IKZF5: variants seen among roughly 807,000 people sequenced by gnomAD.
IKZF5 encodes the protein zinc finger protein Pegasus.
A neutral mutation model predicts 30.7 loss-of-function variants in IKZF5; 4 were observed. That is an observed-to-expected ratio of 0.13 (90% CI 0.06 to 0.30). The LOEUF (loss-of-function observed/expected upper bound fraction) is 0.30. IKZF5 is among the 10% of genes least tolerant of loss of function. The pLI, the probability that IKZF5 is intolerant of heterozygous loss-of-function variation, is 1.00. For missense variants in IKZF5, 348 were observed against 525.5 expected (o/e 0.66, Z 3.30); for synonymous variants, 148 against 179.6 (o/e 0.82, Z 1.41).
At chr10:123,002,114 T>C (rs1849607566) in intron 2 of IKZF5, among the ~76,000 whole-genome samples, 1 of 152,206 alleles carries the variant, frequency 6.6e-6, no homozygotes, top group Non-Finnish European at 1.5e-5. Context: ...TCCAAACATA[T>C]TTAGCCAAAT....
At position 122,991,193 on chromosome 10, in the gene IKZF5, A is replaced by T. The variant is rs1032238147; in HGVS notation, c.*2587T>A. On this transcript the variant is annotated 3_prime_UTR_variant, in exon 5 of 5. Coordinates refer to ENST00000368886, the MANE Select transcript of IKZF5 (RefSeq NM_001372123.1). Reference sequence around the variant, plus strand: ...ATGGCAAACACTTATTTCTAAAATGAAATAGCCCTGGAAACACCCAGTGGA... The same window carrying T: ...ATGGCAAACACTTATTTCTAAAATGTAATAGCCCTGGAAACACCCAGTGGA... The T allele has an allele frequency of 1.3e-5, 2 of 152,156 alleles. No homozygotes were observed. Among genetic ancestry groups the T allele is most frequent in the Non-Finnish European group, 2.9e-5 (2 of 68,018 alleles). The allele number at this position is 152,156 out of a possible 1,614,324, so 9.4% of individuals were successfully genotyped here.
chr10:123,004,523 C>A (rs1390219107), intron 2 of IKZF5, among the ~76,000 whole-genome samples: 3 of 151,882 alleles, frequency 2.0e-5, no homozygotes, highest in African/African-American at 7.2e-5. Context: ...GGATGGCTGG[C>A]ATATTTTGAC....
chr10:123,008,275 G>A (rs1411308012), intron 1 of IKZF5, among the ~76,000 whole-genome samples: 1 of 152,100 alleles, frequency 6.6e-6, no homozygotes, highest in East Asian at 1.9e-4. Flanking sequence ...CCAAGATTCG[G>A]AGCGACATCC....
intron 2 of IKZF5, among the ~76,000 whole-genome samples, chr10:123,003,659 T>C (rs1222093083): frequency 1.3e-5 from 2 of 152,172 alleles, no homozygotes; most frequent in Non-Finnish European, 2.9e-5. Context: ...TTGTAGCAAA[T>C]AGAAAAAATG....
At position 123,008,783 on chromosome 10, in the gene IKZF5, C is replaced by G; in HGVS notation, c.-287G>C. 6.5e-6 allele frequency: 4 copies of G among 612,028 alleles called. No individual in the cohort carries two copies. In the East Asian group the frequency reaches 1.1e-4, roughly 17 times the overall value. The allele number at this position is 612,028 out of a possible 1,614,324, so 37.9% of individuals were successfully genotyped here. ...TTCGTCACCGTCACAGTCGCCGCCGCCATCTTTGTTGTGTCTCCGACTCCC... is the reference window on the plus strand; with the variant it reads ...TTCGTCACCGTCACAGTCGCCGCCGGCATCTTTGTTGTGTCTCCGACTCCC... On this transcript the variant is annotated 5_prime_UTR_variant, in exon 1 of 5. Coordinates refer to ENST00000368886, the MANE Select transcript of IKZF5 (RefSeq NM_001372123.1).
chr10:123,000,571 G>A (rs1177639319), intron 2 of IKZF5, among the ~76,000 whole-genome samples: 1 of 152,156 alleles, frequency 6.6e-6, no homozygotes, highest in Admixed American at 6.5e-5. Flanking sequence ...ATTTCTGTTG[G>A]TTGTATAGAA....
intron 2 of IKZF5, among the ~76,000 whole-genome samples, chr10:123,001,932 G>A (rs1849601813): frequency 1.3e-5 from 2 of 152,166 alleles, no homozygotes; most frequent in South Asian, 4.1e-4. Context: ...GACTTAACTC[G>A]AAATCTACTG....
Position 122,992,689 on chromosome 10 carries a change from G to A in IKZF5, c.*1091C>T, listed in dbSNP as rs1849206007. 1 of 152,098 alleles carries A rather than the reference G, an allele frequency of 6.6e-6. No individual in the cohort carries two copies. The highest frequency in any genetic ancestry group is 2.1e-4 in the South Asian group (1 of 4,828). 9.4% of individuals were successfully genotyped at this position (152,098 alleles called of 1,614,324 possible). On this transcript the variant is annotated 3_prime_UTR_variant, in exon 5 of 5. Transcript: ENST00000368886. Reference sequence around the variant, plus strand: ...AGTTTCGTCACTGTACATGAAGACTGGTAAAACTGCAAATAAGAATTACAA... The same window carrying A: ...AGTTTCGTCACTGTACATGAAGACTAGTAAAACTGCAAATAAGAATTACAA...
Position 122,992,294 on chromosome 10 carries a change from A to C in IKZF5, c.*1486T>G, listed in dbSNP as rs1409813410. Reference sequence around the variant, plus strand: ...GCACTTGGGGGTTTTGTGGGTACATACCACCAATATTTCCCTTTCCTTTAC... The same window carrying C: ...GCACTTGGGGGTTTTGTGGGTACATCCCACCAATATTTCCCTTTCCTTTAC... On this transcript the variant is annotated 3_prime_UTR_variant, in exon 5 of 5. Transcript: ENST00000368886. 6.6e-6 allele frequency: 1 copy of C among 152,208 alleles called. No homozygotes were observed. The highest frequency in any genetic ancestry group is 1.5e-5 in the Non-Finnish European group (1 of 68,022). 9.4% of individuals were successfully genotyped at this position (152,208 alleles called of 1,614,324 possible). A position where few individuals can be genotyped will look rare whatever the true frequency, so the allele number is the denominator to read the frequency against.
Position 123,007,075 on chromosome 10 carries a change from T to C in IKZF5, c.-96A>G, listed in dbSNP as rs1849818147. 6.6e-6 allele frequency: 1 copy of C among 152,162 alleles called. No individual in the cohort carries two copies. The highest frequency in any genetic ancestry group is 1.5e-5 in the Non-Finnish European group (1 of 68,032). The allele number at this position is 152,162 out of a possible 1,614,324, so 9.4% of individuals were successfully genotyped here. On this transcript the variant is annotated 5_prime_UTR_variant, in exon 2 of 5. Coordinates refer to ENST00000368886, the MANE Select transcript of IKZF5 (RefSeq NM_001372123.1). ...CTTTTTCTTGCCACTCCAACATTGA[T>C]GAAATGTAGAGTAATTGAAATTTAC...
In IKZF5 at chr10:122,994,926, C is replaced by G. The variant is rs1330712405; in HGVS notation, c.317-203G>C. 5 of 560,834 alleles carry G rather than the reference C, an allele frequency of 8.9e-6. No homozygotes were observed. The highest frequency in any genetic ancestry group is 4.6e-4 in the Middle Eastern group (1 of 2,170). The allele number at this position is 560,834 out of a possible 1,614,324, so 34.7% of individuals were successfully genotyped here. A position where few individuals can be genotyped will look rare whatever the true frequency, so the allele number is the denominator to read the frequency against. ...AGCTTAAGAACTCATCAGCAACAACCTGAAATATGCATTGATGTTGTATTA... is the reference window on the plus strand; with the variant it reads ...AGCTTAAGAACTCATCAGCAACAACGTGAAATATGCATTGATGTTGTATTA... On this transcript the variant is annotated intron_variant, in intron 4 of 4. Transcript: ENST00000368886. This position sits in a 1 kb window ranked among gnomAD's most constrained non-coding sequence, Gnocchi z 5.6.
intron 2 of IKZF5, among the ~76,000 whole-genome samples, chr10:123,003,034 CTTTT>C: frequency 7.1e-6 from 1 of 141,642 alleles, no homozygotes. Flanking sequence ...TTTTTCTTTT[CTTTT>C]TTTTTTTTTG....
chr10:123,003,214 A>G (rs9423304), intron 2 of IKZF5, among the ~76,000 whole-genome samples: 14,066 of 105,438 alleles, frequency 0.13, 792 homozygotes, highest in Middle Eastern at 0.27. Flanking sequence ...TTGTATTTTT[A>G]GTAGAGAGGG....
chr10:122,998,429 G>A (rs1434030455), intron 3 of IKZF5, 64 bp downstream of exon 3: 1 of 1,359,332 alleles, frequency 7.4e-7, no homozygotes, highest in African/African-American at 1.5e-5. Flanking sequence ...CACAGTAACA[G>A]CTACACGCAA....
At chr10:122,998,774 C>T (rs888291995) in intron 2 of IKZF5, 103 bp from the exon 3 acceptor site, 1 of 496,050 alleles carries the variant, frequency 2.0e-6, no homozygotes, top group Non-Finnish European at 3.4e-6. Flanking sequence ...AAACACAGTG[C>T]CTGCCTTTCA....
At chr10:123,002,116 T>C (rs1226205001) in intron 2 of IKZF5, among the ~76,000 whole-genome samples, 1 of 152,230 alleles carries the variant, frequency 6.6e-6, no homozygotes. Flanking sequence ...CAAACATATT[T>C]AGCCAAATAA....
At chr10:123,002,782 C>T (rs1390230802) in intron 2 of IKZF5, among the ~76,000 whole-genome samples, 1 of 136,748 alleles carries the variant, frequency 7.3e-6, no homozygotes, top group African/African-American at 2.7e-5. Context: ...AGCAAGACTC[C>T]GTCTAAAAAA....
At chr10:122,995,782 A>T (rs928202902) in intron 4 of IKZF5, among the ~76,000 whole-genome samples, 6 of 152,194 alleles carry the variant, frequency 3.9e-5, no homozygotes, top group African/African-American at 1.4e-4. Context: ...ACGGCTAAGG[A>T]AGGAGAGGAT....
intron 2 of IKZF5, among the ~76,000 whole-genome samples, chr10:122,999,510 G>A (rs1849507722): frequency 6.6e-6 from 1 of 152,218 alleles, no homozygotes; most frequent in Non-Finnish European, 1.5e-5. Flanking sequence ...CTGTGTCACG[G>A]TAAGAAGCCA....
Sources: allele counts gnomAD v4.1 joint callset (sites outside exome capture counted in the v4.1 genomes callset), GRCh38; gene constraint gnomAD v4.1.1; non-coding constraint Gnocchi (gnomAD v3.1); transcripts MANE v1.5; gene names NCBI Gene and HGNC (gene_info 2026-07-23, HGNC 2026-07-21).